The following ACVR1 variants were observed in gnomAD, a reference collection of about 807,000 sequenced individuals.
ACVR1 encodes activin A receptor type 1, also known as activin receptor type-1.
ACVR1 carries 38 observed loss-of-function variants against 57.1 expected under a neutral mutation model. The ratio of observed to expected loss-of-function variants is 0.67; its 90% CI spans 0.51 to 0.87. The LOEUF is 0.87. ACVR1 is among the 40% of genes least tolerant of loss of function. The pLI is 0.00. For missense variants in ACVR1, 463 were observed against 638.2 expected (o/e 0.73, Z 2.96); for synonymous variants, 212 against 228.1 (o/e 0.93, Z 0.63).
At chr2:157,871,856 G>A (rs184731178) in intron 1 of ACVR1, among the ~76,000 whole-genome samples, 45 of 152,298 alleles carry the variant, frequency 3.0e-4, no homozygotes, top group African/African-American at 9.4e-4. Context: ...GAGAGTGTGA[G>A]TTCAAGCAAA....
At chr2:157,786,099 T>G (rs1686702010) in intron 3 of ACVR1, among the ~76,000 whole-genome samples, 1 of 152,206 alleles carries the variant, frequency 6.6e-6, no homozygotes, top group Non-Finnish European at 1.5e-5. Context: ...CCTCTCCACC[T>G]AGTCAGTGCC....
chr2:157,811,340 G>A (rs766017069), intron 2 of ACVR1, among the ~76,000 whole-genome samples: 1 of 152,120 alleles, frequency 6.6e-6, no homozygotes, highest in Admixed American at 6.5e-5. Flanking sequence ...GGTTGAGAAT[G>A]AAATCACCCA....
chr2:157,776,496 G>T (rs1428585798), intron 5 of ACVR1, among the ~76,000 whole-genome samples: 1 of 151,980 alleles, frequency 6.6e-6, no homozygotes, highest in Non-Finnish European at 1.5e-5. Flanking sequence ...TCTACTTTTT[G>T]AAATGAAATG....
intron 9 of ACVR1, among the ~76,000 whole-genome samples, chr2:157,755,980 G>A (rs1685411514): frequency 6.6e-6 from 1 of 151,964 alleles, no homozygotes; most frequent in Admixed American, 6.6e-5. Context: ...CAGACCAATG[G>A]AACAGAATAG....
At chr2:157,776,151 T>C (rs1055599112) in intron 5 of ACVR1, among the ~76,000 whole-genome samples, 1 of 152,262 alleles carries the variant, frequency 6.6e-6, no homozygotes, top group Admixed American at 6.5e-5. Context: ...AATAGTGTTC[T>C]TTACTGTGTT....
At chr2:157,851,792 A>C (rs1292766282) in intron 1 of ACVR1, among the ~76,000 whole-genome samples, 1 of 151,634 alleles carries the variant, frequency 6.6e-6, no homozygotes, top group East Asian at 1.9e-4. Flanking sequence ...AGATGGGCTA[A>C]ATAACTCTTC....
intron 1 of ACVR1, among the ~76,000 whole-genome samples, chr2:157,841,792 G>A (rs1303492279): frequency 6.6e-6 from 1 of 152,106 alleles, no homozygotes; most frequent in African/African-American, 2.4e-5. Context: ...GGGAGGCCAA[G>A]GCAGGCAGAT....
At chr2:157,790,679 C>T (rs538213548) in intron 3 of ACVR1, among the ~76,000 whole-genome samples, 37 of 152,316 alleles carry the variant, frequency 2.4e-4, no homozygotes, top group South Asian at 6.2e-4. Flanking sequence ...TTGTTTGCCA[C>T]CATTTAGTTG....
chr2:157,798,310 C>G (rs1369828830), intron 3 of ACVR1, among the ~76,000 whole-genome samples: 1 of 151,554 alleles, frequency 6.6e-6, no homozygotes, highest in East Asian at 1.9e-4. Flanking sequence ...TTAATTCTAC[C>G]AAAATCTGTT....
chr2:157,874,401 CTT>C (rs982994217), intron 1 of ACVR1, among the ~76,000 whole-genome samples: 1 of 152,236 alleles, frequency 6.6e-6, no homozygotes, highest in Non-Finnish European at 1.5e-5. Context: ...ATATTTCAAA[CTT>C]AAGCAGTCTG....
chr2:157,788,884 C>A (rs1356064298), intron 3 of ACVR1, among the ~76,000 whole-genome samples: 2 of 152,058 alleles, frequency 1.3e-5, no homozygotes, highest in Non-Finnish European at 2.9e-5. Flanking sequence ...CATTCATTTC[C>A]CAAGGCCCTA....
At chr2:157,834,136 G>A (rs1334628426) in intron 1 of ACVR1, among the ~76,000 whole-genome samples, 1 of 152,194 alleles carries the variant, frequency 6.6e-6, no homozygotes, top group Non-Finnish European at 1.5e-5. Flanking sequence ...CTGTCGCCCA[G>A]GCTGGAGTGC....
rs746369903 is a variant in ACVR1 at position 157,778,228 on chromosome 2, A to T, written c.446T>A (p.Phe149Tyr). ...ACLLGVALRK[F>Y]KRRNQERLNP... is the part of the protein sequence containing the mutation. ...GAGGCGTTCTTGGTTGCGCCTTTTA[A>T]ATTTTCGGAGAGCAACTCCCAGCAG... Residue 149 changes from phenylalanine to tyrosine, a missense_variant, in exon 5 of 11, where the codon TTT (phenylalanine) becomes TAT (tyrosine). Physicochemically the swap from Phe to Tyr is conservative, Grantham distance 22. Coordinates refer to ENST00000434821, the MANE Select transcript of ACVR1 (RefSeq NM_001111067.4). 6.2e-7 allele frequency: 1 copy of T among 1,614,040 alleles called. No individual in the cohort carries two copies. Among genetic ancestry groups the T allele is most frequent in the Non-Finnish European group, 8.5e-7 (1 of 1,180,002 alleles).
At chr2:157,743,957 T>C (rs1684870108) in intron 9 of ACVR1, among the ~76,000 whole-genome samples, 1 of 152,094 alleles carries the variant, frequency 6.6e-6, no homozygotes, top group South Asian at 2.1e-4. Context: ...CAAAAGAAAT[T>C]GAGGGTCACA....
At chr2:157,834,629 C>T (rs1190138855) in intron 1 of ACVR1, among the ~76,000 whole-genome samples, 1 of 151,990 alleles carries the variant, frequency 6.6e-6, no homozygotes, top group African/African-American at 2.4e-5. Flanking sequence ...TGAATTCATG[C>T]AGATGTATAT....
chr2:157,819,404 TGAGAG>T (rs1324000718), intron 1 of ACVR1: 1 of 149,478 alleles, frequency 6.7e-6, no homozygotes, highest in African/African-American at 2.5e-5. Context: ...CGCTTGAACC[TGAGAG>T]GCGGAGGTTA....
At chr2:157,868,734 C>T (rs931157180) in intron 1 of ACVR1, among the ~76,000 whole-genome samples, 15 of 152,150 alleles carry the variant, frequency 9.9e-5, no homozygotes, top group African/African-American at 3.6e-4. Context: ...AGAGTTCTGC[C>T]ACTAATAGTT....
chr2:157,780,263 A>G, intron 4 of ACVR1, 74 bp downstream of exon 4: 1 of 1,604,190 alleles, frequency 6.2e-7, no homozygotes, highest in Non-Finnish European at 8.5e-7. Flanking sequence ...AGCTACTTAG[A>G]TCTTTAACCC....
intron 8 of ACVR1, among the ~76,000 whole-genome samples, chr2:157,763,294 T>C (rs566124867): frequency 6.6e-5 from 10 of 152,364 alleles, no homozygotes; most frequent in African/African-American, 2.4e-4. Flanking sequence ...CACTTTATTT[T>C]CAAATGGATT....
Sources: gnomAD v4.1 joint callset for allele counts (sites outside exome capture counted in the v4.1 genomes callset) on GRCh38, gnomAD v4.1.1 for gene constraint, MANE v1.5 for transcripts, NCBI Gene and HGNC (gene_info 2026-07-23, HGNC 2026-07-21) for gene names.